ABCG2: variants seen among roughly 807,000 people sequenced by gnomAD.
ABCG2 encodes the protein ATP binding cassette subfamily G member 2 (JR blood group).
A neutral mutation model predicts 73.5 loss-of-function variants in ABCG2; 80 were observed. The observed-to-expected ratio is 1.09, with a 90% CI of 0.91 to 1.31. The LOEUF is 1.31. ABCG2 is among the 50% of genes most tolerant of loss of function. The pLI, the probability that ABCG2 is intolerant of heterozygous loss-of-function variation, is 0.00. For missense variants in ABCG2, 796 were observed against 786.2 expected, an observed-to-expected ratio of 1.01 and a Z score of -0.15; for synonymous variants, 269 against 282.4, an observed-to-expected ratio of 0.95 and a Z score of 0.48.
intron 1 of ABCG2, among the ~76,000 whole-genome samples, chr4:88,146,247 C>T (rs1471430598): frequency 7.1e-6 from 1 of 141,806 alleles, no homozygotes; most frequent in Non-Finnish European, 1.5e-5. Context: ...TTTTCCATCT[C>T]CCCTGTGGGT....
chr4:88,117,908 C>T (rs1008913351), intron 7 of ABCG2, among the ~76,000 whole-genome samples: 1 of 152,168 alleles, frequency 6.6e-6, no homozygotes, highest in African/African-American at 2.4e-5. Flanking sequence ...TGAAATAAGA[C>T]AAGAAAGATA....
rs55760486 is a variant in ABCG2 at position 88,098,645 on chromosome 4, GAGAT to G, written c.1492+675_1492+678del. ...ATACATATATAGAGAGAGACAGGGA[GAGAT>G]AGATAGATAGATAGATAGATAGATA... On this transcript the variant is annotated intron_variant, in intron 12 of 15. Transcript: ENST00000237612. Among the ~76,000 whole-genome samples, 576 of 143,900 alleles carry G rather than the reference GAGAT, an allele frequency of 4.0e-3. 2 individuals carry two copies. Among genetic ancestry groups the G allele is most frequent in the East Asian group, 8.8e-3 (43 of 4,904 alleles). The allele number at this position is 143,900 out of a possible 152,430, so 94.4% of individuals were successfully genotyped here. A position where few individuals can be genotyped will look rare whatever the true frequency, so the allele number is the denominator to read the frequency against.
At chr4:88,110,379 C>T (rs1227428121) in intron 9 of ABCG2, among the ~76,000 whole-genome samples, 2 of 152,058 alleles carry the variant, frequency 1.3e-5, no homozygotes, top group East Asian at 1.9e-4. Flanking sequence ...CCTGTCTATA[C>T]TAAAAATACA....
At chr4:88,132,786 A>C in intron 2 of ABCG2, 151 bp from the exon 3 acceptor site, 4 of 862,200 alleles carry the variant, frequency 4.6e-6, no homozygotes, top group South Asian at 1.6e-5. Flanking sequence ...AAACAAACAA[A>C]ACAGGTCATG....
chr4:88,099,468 A>G lies in ABCG2; in HGVS notation c.1368-20T>C. 1 of 1,585,614 alleles carries G rather than the reference A, an allele frequency of 6.3e-7. No homozygotes were observed. The highest frequency in any genetic ancestry group is 8.6e-7 in the Non-Finnish European group (1 of 1,168,570). ...TCATGTCTATAGAACAAAAATACGT[A>G]TCATACATCCAAGATTAGTTTAAGA... On this transcript the variant is annotated intron_variant, in intron 11 of 15. Coordinates refer to ENST00000237612, the MANE Select transcript of ABCG2 (RefSeq NM_004827.3).
At chr4:88,189,022 CA>C (rs568474006) in intron 1 of ABCG2, among the ~76,000 whole-genome samples, 4 of 151,198 alleles carry the variant, frequency 2.6e-5, no homozygotes, top group Non-Finnish European at 1.5e-5. Context: ...TAAACAACAA[CA>C]AAAAAAACAC....
At chr4:88,127,945 C>CAAAAAA (rs202145272) in intron 5 of ABCG2, among the ~76,000 whole-genome samples, 2 of 100,332 alleles carry the variant, frequency 2.0e-5, no homozygotes, top group Non-Finnish European at 2.1e-5. Context: ...TTCTGCACAG[C>CAAAAAA]AAAAAAAAAG....
chr4:88,110,753 T>A (rs1234183193), intron 9 of ABCG2, among the ~76,000 whole-genome samples: 5 of 152,008 alleles, frequency 3.3e-5, no homozygotes, highest in African/African-American at 4.8e-5. Context: ...TAGAGCTGAC[T>A]ACCTGAGACA....
At chr4:88,114,858 AC>A in intron 8 of ABCG2, 98 bp downstream of exon 8, 1 of 709,342 alleles carries the variant, frequency 1.4e-6, no homozygotes, top group Non-Finnish European at 2.4e-6. Context: ...GACTGCATCA[AC>A]AGAAATTCAC....
At chr4:88,211,363 A>ACCCCCCCC (rs34198736) in intron 1 of ABCG2, among the ~76,000 whole-genome samples, 1 of 47,528 alleles carries the variant, frequency 2.1e-5, no homozygotes. Flanking sequence ...CCCCTGCCCC[A>ACCCCCCCC]CCCCCCCCCA....
chr4:88,230,505 T>C (rs886704567), intron 1 of ABCG2, among the ~76,000 whole-genome samples: 5 of 151,822 alleles, frequency 3.3e-5, no homozygotes, highest in Admixed American at 2.0e-4. Flanking sequence ...AAGTGGCCTA[T>C]ATAATCTAAG....
chr4:88,175,136 C>T (rs7699279), intron 1 of ABCG2, among the ~76,000 whole-genome samples: 36,148 of 152,128 alleles, frequency 0.24, 5,682 homozygotes, highest in African/African-American at 0.45. Flanking sequence ...AACTACTACA[C>T]AATTGATTTA....
At chr4:88,145,308 A>C (rs1725908957) in intron 1 of ABCG2, among the ~76,000 whole-genome samples, 1 of 152,328 alleles carries the variant, frequency 6.6e-6, no homozygotes, top group East Asian at 1.9e-4. Context: ...AACTTACATA[A>C]ATTGTCCCTT....
chr4:88,216,720 A>G (rs1225610112), intron 1 of ABCG2, among the ~76,000 whole-genome samples: 1 of 152,170 alleles, frequency 6.6e-6, no homozygotes, highest in Non-Finnish European at 1.5e-5. Context: ...AGGAATAGCT[A>G]CATATTCTGG....
At chr4:88,210,376 G>A (rs1160259262) in intron 1 of ABCG2, among the ~76,000 whole-genome samples, 1 of 152,014 alleles carries the variant, frequency 6.6e-6, no homozygotes, top group Admixed American at 6.6e-5. Flanking sequence ...TTTTGTGTTC[G>A]TTGAAGGAGA....
chr4:88,178,006 CA>C (rs1728079439), intron 1 of ABCG2, among the ~76,000 whole-genome samples: 1 of 152,160 alleles, frequency 6.6e-6, no homozygotes, highest in African/African-American at 2.4e-5. Context: ...ACGAAAACAG[CA>C]ATTCCTGGAA....
chr4:88,097,413 A>T (rs2231157), intron 13 of ABCG2, 40 bp downstream of exon 13: 1 of 1,595,446 alleles, frequency 6.3e-7, no homozygotes. Flanking sequence ...ATGAAGGAAA[A>T]AAACAATTCC....
chr4:88,211,038 G>A (rs541846558), intron 1 of ABCG2, among the ~76,000 whole-genome samples: 2 of 151,866 alleles, frequency 1.3e-5, no homozygotes, highest in South Asian at 4.2e-4. Flanking sequence ...GACTGCACCA[G>A]GGATTAACCA....
At chr4:88,121,888 C>A in intron 5 of ABCG2, 96 bp from the exon 6 acceptor site, 1 of 1,205,558 alleles carries the variant, frequency 8.3e-7, no homozygotes, top group East Asian at 2.4e-5. Flanking sequence ...GACACTTTAT[C>A]TCATTAAGTT....
Sources: allele counts gnomAD v4.1 joint callset (sites outside exome capture counted in the v4.1 genomes callset), GRCh38; gene constraint gnomAD v4.1.1; transcripts MANE v1.5; gene names NCBI Gene and HGNC (gene_info 2026-07-23, HGNC 2026-07-21).